Variants in RSU1 observed in about 807,000 individuals in gnomAD.
RSU1 encodes rsu-1.
RSU1 carries 26 observed loss-of-function variants against 31.1 expected under a neutral mutation model. The ratio of observed to expected loss-of-function variants is 0.84; its 90% CI spans 0.61 to 1.16. The LOEUF is 1.16. RSU1 is among the 50% of genes most tolerant of loss of function. The pLI, the probability that RSU1 is intolerant of heterozygous loss-of-function variation, is 0.00. For synonymous variants in RSU1, 164 were observed against 136.3 expected (o/e 1.20, Z -1.41); for missense variants, 320 against 339.1 (o/e 0.94, Z 0.44).
At chr10:16,760,966 G>A (rs1837201294) in intron 4 of RSU1, among the ~76,000 whole-genome samples, 1 of 152,118 alleles carries the variant, frequency 6.6e-6, no homozygotes, top group South Asian at 2.1e-4. Context: ...TTTTGAGATG[G>A]AGTCTCACTC....
chr10:16,712,464 T>C (rs748383218), intron 7 of RSU1, among the ~76,000 whole-genome samples: 1 of 152,126 alleles, frequency 6.6e-6, no homozygotes, highest in African/African-American at 2.4e-5. Context: ...AAGTTTTGTT[T>C]TCTTTCTCTT....
At chr10:16,743,332 T>C (rs571046596) in intron 7 of RSU1, among the ~76,000 whole-genome samples, 5 of 152,326 alleles carry the variant, frequency 3.3e-5, no homozygotes, top group South Asian at 2.1e-4. Flanking sequence ...ATTCTGTCTA[T>C]AATAAGCCAT....
intron 4 of RSU1, among the ~76,000 whole-genome samples, chr10:16,761,241 G>C (rs1837207334): frequency 6.6e-6 from 1 of 152,170 alleles, no homozygotes; most frequent in Admixed American, 6.5e-5. Flanking sequence ...CCACGCCCGA[G>C]AGGAGCTGCT....
chr10:16,814,913 T>C (rs978306595), intron 2 of RSU1, among the ~76,000 whole-genome samples: 1 of 152,198 alleles, frequency 6.6e-6, no homozygotes, highest in African/African-American at 2.4e-5. Context: ...ATTCTCCCCA[T>C]TTATAAATAT....
intron 7 of RSU1, among the ~76,000 whole-genome samples, chr10:16,712,025 G>A (rs1169179484): frequency 6.6e-6 from 1 of 152,134 alleles, no homozygotes; most frequent in Non-Finnish European, 1.5e-5. Context: ...TCAGGGTTGA[G>A]TGCATATGTA....
chr10:16,651,738 T>G (rs1024853675), intron 8 of RSU1, among the ~76,000 whole-genome samples: 1 of 152,238 alleles, frequency 6.6e-6, no homozygotes, highest in South Asian at 2.1e-4. Context: ...AATTGAATTA[T>G]GGCTGACAAA....
intron 8 of RSU1, among the ~76,000 whole-genome samples, chr10:16,626,755 T>C (rs940484271): frequency 6.6e-6 from 1 of 152,200 alleles, no homozygotes; most frequent in Non-Finnish European, 1.5e-5. Flanking sequence ...TGTAGACTTT[T>C]GGAAATCTAT....
At chr10:16,673,144 A>G (rs10795413) in intron 8 of RSU1, among the ~76,000 whole-genome samples, 42,804 of 151,816 alleles carry the variant, frequency 0.28, 6,207 homozygotes, top group African/African-American at 0.34. Flanking sequence ...AAGTCCTTTG[A>G]CCCCATTGAA....
In RSU1 at chr10:16,742,843, C is replaced by T. The variant is rs146596129; in HGVS notation, c.598+9696G>A. On this transcript the variant is annotated intron_variant, in intron 7 of 8. Coordinates refer to ENST00000345264, the MANE Select transcript of RSU1 (RefSeq NM_012425.4). ...GCTTTATGTGTTGCAACTTCCCAACCCCTTTAAGGCAATAACTCACCAGGC... is the reference window on the plus strand; with the variant it reads ...GCTTTATGTGTTGCAACTTCCCAACTCCTTTAAGGCAATAACTCACCAGGC... Among the ~76,000 whole-genome samples, 1,146 of 152,268 alleles carry T rather than the reference C, an allele frequency of 7.5e-3. 9 individuals are homozygous for T. The highest frequency in any genetic ancestry group is 0.012 in the Non-Finnish European group (785 of 68,026).
chr10:16,639,801 T>C (rs1834409200), intron 8 of RSU1, among the ~76,000 whole-genome samples: 1 of 152,206 alleles, frequency 6.6e-6, no homozygotes, highest in African/African-American at 2.4e-5. Context: ...CATCTATCTG[T>C]CTGTGCCTGG....
intron 7 of RSU1, among the ~76,000 whole-genome samples, chr10:16,733,333 TAAAA>T (rs569239845): frequency 2.3e-4 from 18 of 79,604 alleles, no homozygotes; most frequent in Middle Eastern, 7.4e-3. Context: ...TCTACGACAA[TAAAA>T]AAAAAAAAAA....
At chr10:16,759,595 G>A (rs527455093) in intron 4 of RSU1, among the ~76,000 whole-genome samples, 1 of 152,302 alleles carries the variant, frequency 6.6e-6, no homozygotes, top group African/African-American at 2.4e-5. Flanking sequence ...ACAAGCTCTA[G>A]CAACAAACGA....
At chr10:16,699,249 G>T (rs1008355459) in intron 7 of RSU1, among the ~76,000 whole-genome samples, 1 of 152,150 alleles carries the variant, frequency 6.6e-6, no homozygotes, top group African/African-American at 2.4e-5. Flanking sequence ...TAATGTCACC[G>T]GTGGATAACA....
chr10:16,613,565 T>A (rs1001919301), intron 8 of RSU1, among the ~76,000 whole-genome samples: 35 of 152,294 alleles, frequency 2.3e-4, no homozygotes, highest in African/African-American at 7.9e-4. Flanking sequence ...AATAAAATAT[T>A]ACAAAAATGA....
chr10:16,789,010 A>G (rs999645781), intron 2 of RSU1, among the ~76,000 whole-genome samples: 4 of 152,174 alleles, frequency 2.6e-5, no homozygotes, highest in African/African-American at 9.7e-5. Context: ...TCTTCCCTTA[A>G]TTTCTCCGAA....
chr10:16,640,882 G>A (rs1834428827), intron 8 of RSU1, among the ~76,000 whole-genome samples: 1 of 152,208 alleles, frequency 6.6e-6, no homozygotes, highest in South Asian at 2.1e-4. Flanking sequence ...CCAAGGGCCT[G>A]TCATAAACAT....
rs1326027426 is a variant in RSU1, at chr10:16,695,082, G to C, written c.672C>G (p.Asp224Glu). 1 of 1,608,770 alleles carries C rather than the reference G, an allele frequency of 6.2e-7. No individual in the cohort carries two copies. The highest frequency in any genetic ancestry group is 1.7e-5 in the Admixed American group (1 of 59,748). Residue 224 changes from aspartate (D) to glutamate (E), a missense_variant, in exon 8 of 9, where the codon GAC (aspartate) becomes GAG (glutamate). Asp to Glu is a conservative substitution (Grantham distance 45). Coordinates refer to ENST00000345264, the MANE Select transcript of RSU1 (RefSeq NM_012425.4). ...ENNPWVTPIADQFQLGVSHVF... is the reference protein window; with the variant it reads ...ENNPWVTPIAEQFQLGVSHVF... ...CATGGGACACGCCAAGCTGGAACTG[G>C]TCTGCAATGGGGGTCACCCAGGGAT...
intron 8 of RSU1, among the ~76,000 whole-genome samples, chr10:16,620,634 A>C (rs1243843118): frequency 4.6e-5 from 7 of 151,902 alleles, no homozygotes; most frequent in Non-Finnish European, 1.0e-4. Context: ...TCATGAAGTC[A>C]GGAGATCAAG....
At chr10:16,726,932 T>G (rs1383789148) in intron 7 of RSU1, 2 of 401,364 alleles carry the variant, frequency 5.0e-6, no homozygotes, top group Non-Finnish European at 1.0e-5. Flanking sequence ...ATGGTTTGAC[T>G]GTTTTATAAA....
Sources: gnomAD v4.1 joint callset for allele counts (sites outside exome capture counted in the v4.1 genomes callset) on GRCh38, gnomAD v4.1.1 for gene constraint, MANE v1.5 for transcripts, NCBI Gene and HGNC (gene_info 2026-07-23, HGNC 2026-07-21) for gene names.